The following GSE1 variants were observed in gnomAD, a reference collection of about 807,000 sequenced individuals.
GSE1 encodes the protein genetic suppressor element 1.
Under a neutral mutation model 112.6 loss-of-function variants are expected in GSE1, and 32 were observed. The ratio of observed to expected loss-of-function variants is 0.28; its 90% CI spans 0.21 to 0.38. GSE1 has a LOEUF of 0.38. Among genes scored for constraint, GSE1 ranks in the 10% least tolerant of loss-of-function variants. The pLI is 1.00. For missense variants in GSE1, 2,348 were observed against 1,699.2 expected (o/e 1.38, Z -6.71); for synonymous variants, 1,115 against 735.6 (o/e 1.52, Z -8.35).
intron 1 of GSE1, among the ~76,000 whole-genome samples, chr16:85,200,364 G>A (rs887556475): frequency 6.6e-6 from 1 of 150,620 alleles, no homozygotes; most frequent in African/African-American, 2.4e-5. Context: ...TGTTTATGGA[G>A]CATTTTCCTG....
chr16:85,176,111 T>A (rs1246895940), intron 1 of GSE1, among the ~76,000 whole-genome samples: 1 of 152,276 alleles, frequency 6.6e-6, no homozygotes, highest in Non-Finnish European at 1.5e-5. Context: ...ACCCCAGTCT[T>A]CTGAGTAGCT....
chr16:85,578,427 A>G (rs984830848), intron 1 of GSE1, among the ~76,000 whole-genome samples: 8 of 152,234 alleles, frequency 5.3e-5, no homozygotes, highest in African/African-American at 1.7e-4. Context: ...CCCATTTCAC[A>G]TGTGGGGCAG....
Position 85,256,297 on chromosome 16 carries a change from C to T in GSE1, c.2283+84490C>T, listed in dbSNP as rs185875508. Among the ~76,000 whole-genome samples the T allele has an allele frequency of 1.9e-3, 293 of 152,322 alleles. 1 individual carries two copies. Among genetic ancestry groups the T allele is most frequent in the Middle Eastern group, 0.01 (3 of 294 alleles). On this transcript the variant is annotated intron_variant, in intron 1 of 2. Transcript: ENST00000637419. ...TAATAATAATAATGACAACAGCCAG[C>T]ACCTGTGGAGCACCCGCTATAAGGC...
At chr16:85,363,968 C>G (rs1347711377) in intron 2 of GSE1, among the ~76,000 whole-genome samples, 1 of 152,224 alleles carries the variant, frequency 6.6e-6, no homozygotes, top group Non-Finnish European at 1.5e-5. Context: ...GTGTTTGTTT[C>G]CCATGGCTGC....
At chr16:85,505,006 TGCACACACATGTGCAC>T (rs756153678) in intron 2 of GSE1, among the ~76,000 whole-genome samples, 31 of 124,888 alleles carry the variant, frequency 2.5e-4, no homozygotes, top group African/African-American at 9.3e-4. Context: ...GCATCACATG[TGCACACACATGTGCAC>T]GCACACACAG....
chr16:85,423,370 C>T lies in GSE1; in HGVS notation c.2464+65727C>T, dbSNP rs992598112. Among the ~76,000 whole-genome samples, 17 of 152,342 alleles carry T rather than the reference C, an allele frequency of 1.1e-4. No individual in the cohort carries two copies. The East Asian group carries it at 1.4e-3, about 12-fold the overall frequency. On this transcript the variant is annotated intron_variant, in intron 2 of 2. Transcript: ENST00000637419. The stretch of plus-strand genomic sequence containing the variant: ...GGGCTCCACCCAGCTGCTGCTCTGC[C>T]GTGGCCTCATTCTGCTGCACCTGAG...
exon 1 of GSE1, chr16:85,171,434 CTGT>C: frequency 2.0e-6 from 2 of 985,516 alleles, no homozygotes; most frequent in Non-Finnish European, 2.4e-6. Context: ...CGTGCCAGGC[CTGT>C]GGACTCCACC....
At chr16:85,613,882 T>C (rs2048178109) in intron 1 of GSE1, among the ~76,000 whole-genome samples, 1 of 143,560 alleles carries the variant, frequency 7.0e-6, no homozygotes, top group Non-Finnish European at 1.5e-5. Context: ...TGCTCGCTAC[T>C]GGGGCCGCGC....
Position 85,661,351 on chromosome 16 carries a change from C to T in GSE1, c.1846C>T (p.Arg616Cys), listed in dbSNP as rs1292610700. ...CCACCCGGCTGCATTTGAGCCCAGC[C>T]GCCAGGCAGCCGTGCCGCTGGTGAA... is the stretch of plus-strand genomic sequence containing the variant. ...HSHPAAFEPS[R>C]QAAVPLVKVE... Residue 616 changes from arginine to cysteine, a missense_variant, in exon 9 of 16, where the codon CGC becomes TGC. Arg to Cys is a radical substitution (Grantham distance 180, BLOSUM62 -3). Coordinates refer to ENST00000253458, the MANE Select transcript of GSE1 (RefSeq NM_014615.5). 26 of 1,612,044 alleles carry T rather than the reference C, an allele frequency of 1.6e-5. No individual in the cohort carries two copies. Among genetic ancestry groups the T allele is most frequent in the African/African-American group, 6.7e-5 (5 of 74,938 alleles).
chr16:85,360,498 C>T (rs973322494), intron 2 of GSE1, among the ~76,000 whole-genome samples: 2 of 152,176 alleles, frequency 1.3e-5, no homozygotes, highest in Non-Finnish European at 2.9e-5. Context: ...AGTCAGGCCC[C>T]GCCTGGGCAG....
intron 2 of GSE1, among the ~76,000 whole-genome samples, chr16:85,501,952 TGGG>T (rs2051382707): frequency 6.6e-6 from 1 of 152,092 alleles, no homozygotes. Context: ...AATATTTTGT[TGGG>T]GGGCAGGGTT....
chr16:85,547,449 G>A (rs1048332464), intron 2 of GSE1, among the ~76,000 whole-genome samples: 4 of 152,190 alleles, frequency 2.6e-5, no homozygotes, highest in East Asian at 1.9e-4. Context: ...CTATTTTCAC[G>A]TGGCCATCTC....
chr16:85,484,320 G>C lies in GSE1; in HGVS notation c.2464+126677G>C, dbSNP rs538662103. On this transcript the variant is annotated intron_variant, in intron 2 of 2. Transcript: ENST00000637419. ...GAGCCAGCATAGCCAGCAGGACTCA[G>C]ATGGGAGCCTGGATTCCCATTTCTG... Among the ~76,000 whole-genome samples, 4 of 152,390 alleles carry C rather than the reference G, an allele frequency of 2.6e-5. No individual in the cohort carries two copies. The South Asian group carries it at 6.2e-4, about 24-fold the overall frequency.
At chr16:85,547,021 G>C (rs1331506465) in intron 2 of GSE1, among the ~76,000 whole-genome samples, 2 of 152,224 alleles carry the variant, frequency 1.3e-5, no homozygotes, top group African/African-American at 4.8e-5. Flanking sequence ...TCCCAGTGGA[G>C]TGTGGACGTG....
intron 2 of GSE1, among the ~76,000 whole-genome samples, chr16:85,513,979 G>A (rs1045642067): frequency 2.6e-5 from 4 of 152,070 alleles, no homozygotes; most frequent in Admixed American, 2.0e-4. Flanking sequence ...GGATCCTCCT[G>A]TTGAGACCCC....
At chr16:85,646,491 G>A (rs1212858646) in intron 2 of GSE1, among the ~76,000 whole-genome samples, 1 of 152,218 alleles carries the variant, frequency 6.6e-6, no homozygotes, top group Non-Finnish European at 1.5e-5. Flanking sequence ...GGACACTGCT[G>A]TGATATCATA....
chr16:85,390,735 C>T (rs1597579297), intron 2 of GSE1, among the ~76,000 whole-genome samples: 1 of 146,724 alleles, frequency 6.8e-6, no homozygotes, highest in East Asian at 2.1e-4. Context: ...CCGCCCAGCT[C>T]TGGGAGCCTG....
intron 1 of GSE1, among the ~76,000 whole-genome samples, chr16:85,267,033 C>G (rs779749702): frequency 2.6e-5 from 4 of 152,182 alleles, no homozygotes; most frequent in Non-Finnish European, 5.9e-5. Context: ...CCTTCCTGCC[C>G]GGGAGGCTGG....
chr16:85,431,336 C>T (rs544105600), intron 2 of GSE1, among the ~76,000 whole-genome samples: 2 of 152,344 alleles, frequency 1.3e-5, no homozygotes, highest in South Asian at 4.1e-4. Context: ...CGCATGATGG[C>T]GTATGGCAAA....
Sources: gnomAD v4.1 joint callset for allele counts (sites outside exome capture counted in the v4.1 genomes callset) on GRCh38, gnomAD v4.1.1 for gene constraint, MANE v1.5 for transcripts, NCBI Gene and HGNC (gene_info 2026-07-23, HGNC 2026-07-21) for gene names.